Variants in ANKRD44 observed in about 807,000 individuals in gnomAD.
The protein encoded by ANKRD44 is serine/threonine-protein phosphatase 6 regulatory ankyrin repeat subunit B.
In ANKRD44, 35 loss-of-function variants were observed where a neutral mutation model predicts 116.0. That is an observed-to-expected ratio of 0.30 (90% CI 0.23 to 0.40). The LOEUF is 0.40. Among genes scored for constraint, ANKRD44 ranks in the 10% least tolerant of loss-of-function variants. The pLI, the probability that ANKRD44 is intolerant of heterozygous loss-of-function variation, is 1.00. For missense variants in ANKRD44, 1,014 were observed against 1,242.6 expected (o/e 0.82, Z 2.77); for synonymous variants, 435 against 461.8 (o/e 0.94, Z 0.74).
intron 16 of ANKRD44, among the ~76,000 whole-genome samples, chr2:197,050,924 C>A (rs532113658): frequency 6.6e-6 from 1 of 151,900 alleles, no homozygotes; most frequent in South Asian, 2.1e-4. Flanking sequence ...TACCCTAGTA[C>A]CCTGGGATAT....
intron 27 of ANKRD44, chr2:196,989,896 A>T: frequency 8.4e-7 from 1 of 1,196,454 alleles, no homozygotes; most frequent in Non-Finnish European, 1.0e-6. Flanking sequence ...GAATAAATTA[A>T]CAAAGGGTAG....
chr2:197,018,868 C>T (rs1373782323), intron 17 of ANKRD44, among the ~76,000 whole-genome samples: 1 of 152,014 alleles, frequency 6.6e-6, no homozygotes, highest in Non-Finnish European at 1.5e-5. Flanking sequence ...TAGCATAAAT[C>T]CCAAACATCT....
At chr2:197,162,992 C>T (rs1342774838) in intron 2 of ANKRD44, among the ~76,000 whole-genome samples, 2 of 152,136 alleles carry the variant, frequency 1.3e-5, no homozygotes, top group East Asian at 3.8e-4. Flanking sequence ...AACCGGTTGT[C>T]TACTAGGGTC....
intron 1 of ANKRD44, chr2:197,263,064 C>A: frequency 2.5e-6 from 1 of 405,930 alleles, no homozygotes. Context: ...TTGTGTCTTC[C>A]CTGCACTGGG....
intron 4 of ANKRD44, among the ~76,000 whole-genome samples, chr2:197,130,961 G>A (rs989416170): frequency 2.0e-5 from 3 of 152,202 alleles, no homozygotes; most frequent in Non-Finnish European, 2.9e-5. Context: ...GGGTGCTAAT[G>A]GGAATTGAAG....
chr2:197,031,488 G>A (rs2076706436), intron 16 of ANKRD44, among the ~76,000 whole-genome samples: 1 of 152,138 alleles, frequency 6.6e-6, no homozygotes, highest in African/African-American at 2.4e-5. Flanking sequence ...AGACTATGGG[G>A]CATACCACCA....
rs184895913 is a variant in ANKRD44, at chr2:197,166,436, G to A, written c.112-19331C>T. ...ATGAGTAAGGATCCCTGTTCTATAAGCACTTAAGATACTTAAATGACAAAG... is the reference window on the plus strand; with the variant it reads ...ATGAGTAAGGATCCCTGTTCTATAAACACTTAAGATACTTAAATGACAAAG... On this transcript the variant is annotated intron_variant, in intron 2 of 27. Coordinates refer to ENST00000282272, the MANE Select transcript of ANKRD44 (RefSeq NM_001195144.2). Among the ~76,000 whole-genome samples the A allele has an allele frequency of 4.5e-4, 68 of 152,260 alleles. 1 individual carries two copies. The highest frequency in any genetic ancestry group is 4.4e-3 in the Admixed American group (67 of 15,304).
intron 20 of ANKRD44, among the ~76,000 whole-genome samples, chr2:197,007,488 G>T (rs924454783): frequency 6.6e-6 from 1 of 152,090 alleles, no homozygotes; most frequent in Non-Finnish European, 1.5e-5. Context: ...AAAATATTCT[G>T]CAAATTTTCT....
chr2:197,242,971 T>C (rs1032179464), intron 1 of ANKRD44, among the ~76,000 whole-genome samples: 1 of 152,216 alleles, frequency 6.6e-6, no homozygotes, highest in African/African-American at 2.4e-5. Context: ...GATAAAGAGA[T>C]CACATTCTGT....
chr2:197,022,570 C>T (rs1174228058), intron 17 of ANKRD44, among the ~76,000 whole-genome samples: 1 of 152,214 alleles, frequency 6.6e-6, no homozygotes, highest in African/African-American at 2.4e-5. Flanking sequence ...GCCACAGTGG[C>T]CCCTTTCCTG....
chr2:197,070,082 C>T (rs184059308), intron 16 of ANKRD44, among the ~76,000 whole-genome samples: 82 of 152,176 alleles, frequency 5.4e-4, no homozygotes, highest in South Asian at 2.3e-3. Flanking sequence ...GATTTTTATA[C>T]GTTTATCTCA....
At chr2:197,187,985 G>A (rs1166264055) in intron 1 of ANKRD44, among the ~76,000 whole-genome samples, 1 of 152,038 alleles carries the variant, frequency 6.6e-6, no homozygotes, top group Non-Finnish European at 1.5e-5. Flanking sequence ...GATGCTAATG[G>A]CCATGTTTCT....
chr2:197,127,012 A>C (rs1489187311), intron 4 of ANKRD44, among the ~76,000 whole-genome samples: 2 of 152,184 alleles, frequency 1.3e-5, no homozygotes, highest in African/African-American at 4.8e-5. Context: ...AGTAGTTTAA[A>C]ATGATTATGG....
At position 197,254,598 on chromosome 2, in the gene ANKRD44, TACACACACAC is replaced by T. The variant is rs3057783; in HGVS notation, c.27+55970_27+55979del. Among the ~76,000 whole-genome samples, 740 of 148,262 alleles carry T rather than the reference TACACACACAC, an allele frequency of 5.0e-3. 8 individuals carry two copies. The highest frequency in any genetic ancestry group is 0.016 in the African/African-American group (627 of 40,016). ...ATGTGTATAGACACACATACATGCA[TACACACACAC>T]ACACACACACACACACACACACATA... On this transcript the variant is annotated intron_variant, in intron 1 of 27. Coordinates refer to ENST00000282272, the MANE Select transcript of ANKRD44 (RefSeq NM_001195144.2).
intron 27 of ANKRD44, chr2:196,990,982 A>C: frequency 3.3e-6 from 4 of 1,216,096 alleles, no homozygotes; most frequent in Non-Finnish European, 4.1e-6. Flanking sequence ...TAGAGGAGGC[A>C]CGAGCATTCC....
chr2:197,112,412 A>T (rs1016438956), intron 8 of ANKRD44, among the ~76,000 whole-genome samples: 3 of 152,190 alleles, frequency 2.0e-5, no homozygotes, highest in Admixed American at 6.5e-5. Flanking sequence ...GATTCTTGTT[A>T]GAAATATGAA....
In ANKRD44 at chr2:197,236,763, G is replaced by C. The variant is rs140359476; in HGVS notation, c.28-49657C>G. Among the ~76,000 whole-genome samples, 408 of 151,028 alleles carry C rather than the reference G, an allele frequency of 2.7e-3. 2 individuals are homozygous for C. The highest frequency in any genetic ancestry group is 9.5e-3 in the African/African-American group (389 of 41,098). On this transcript the variant is annotated intron_variant, in intron 1 of 27. Transcript: ENST00000282272. ...AAAGGAAGGAAGGATAGGAGAAAAA[G>C]AGAAATTTGACAGTAGCTACTGAGA...
At chr2:197,284,698 C>T (rs1310850773) in intron 1 of ANKRD44, among the ~76,000 whole-genome samples, 2 of 151,876 alleles carry the variant, frequency 1.3e-5, no homozygotes, top group Non-Finnish European at 2.9e-5. Flanking sequence ...CCAGCCTGGC[C>T]AACATGGTGA....
intron 18 of ANKRD44, among the ~76,000 whole-genome samples, chr2:197,012,671 G>C (rs967957374): frequency 6.6e-6 from 1 of 151,880 alleles, no homozygotes; most frequent in African/African-American, 2.4e-5. Flanking sequence ...TTTTTTACAA[G>C]GTCTATCATT....
Sources: gnomAD v4.1 joint callset for allele counts (sites outside exome capture counted in the v4.1 genomes callset) on GRCh38, gnomAD v4.1.1 for gene constraint, MANE v1.5 for transcripts, NCBI Gene and HGNC (gene_info 2026-07-23, HGNC 2026-07-21) for gene names.